SMYD3: variants seen among roughly 807,000 people sequenced by gnomAD.
The protein encoded by SMYD3 is SET and MYND domain containing 3.
SMYD3 carries 36 observed loss-of-function variants against 57.7 expected under a neutral mutation model. That is an observed-to-expected ratio of 0.62 (90% CI 0.48 to 0.82). SMYD3 has a LOEUF of 0.82. SMYD3 is among the 40% of genes least tolerant of loss of function. The pLI is 0.00. For synonymous variants in SMYD3, 211 were observed against 195.0 expected (o/e 1.08, Z -0.68); for missense variants, 515 against 538.8 (o/e 0.96, Z 0.44).
chr1:246,330,277 C>T (rs1377424417), intron 4 of SMYD3, among the ~76,000 whole-genome samples: 1 of 152,166 alleles, frequency 6.6e-6, no homozygotes, highest in Non-Finnish European at 1.5e-5. Context: ...ATCTTCATGG[C>T]GCTTTACTAA....
intron 5 of SMYD3, among the ~76,000 whole-genome samples, chr1:245,950,714 T>G (rs1221899708): frequency 6.6e-6 from 1 of 152,258 alleles, no homozygotes; most frequent in Admixed American, 6.5e-5. Context: ...AAGTCAGTGG[T>G]CTTGCCAAAT....
chr1:246,485,268 C>CTACTGCACTAGTT (rs969921281), intron 1 of SMYD3, among the ~76,000 whole-genome samples: 5 of 152,178 alleles, frequency 3.3e-5, no homozygotes, highest in African/African-American at 1.2e-4. Context: ...AATACCTAAA[C>CTACTGCACTAGTT]TACTGCACTA....
rs73136132 is a variant in SMYD3, at chr1:246,501,454, G to A, written c.164+5600C>T. 2.3e-3 allele frequency among the ~76,000 whole-genome samples: 355 copies of A among 152,094 alleles called. 2 individuals carry two copies. Among genetic ancestry groups the A allele is most frequent in the African/African-American group, 8.2e-3 (342 of 41,486 alleles). On this transcript the variant is annotated intron_variant, in intron 1 of 11. Coordinates refer to ENST00000490107, the MANE Select transcript of SMYD3 (RefSeq NM_001167740.2). ...CCTTGGCCACATTCTGCCACACCCCGTACCTGTTGTATCAAGACACACACT... is the reference window on the plus strand; with the variant it reads ...CCTTGGCCACATTCTGCCACACCCCATACCTGTTGTATCAAGACACACACT...
At chr1:246,057,561 C>T (rs35468688) in intron 5 of SMYD3, among the ~76,000 whole-genome samples, 11,542 of 152,250 alleles carry the variant, frequency 0.076, 516 homozygotes, top group African/African-American at 0.12. Flanking sequence ...GATACCACTA[C>T]GCACATATTA....
At chr1:246,038,457 G>A (rs1358946697) in intron 5 of SMYD3, among the ~76,000 whole-genome samples, 1 of 152,016 alleles carries the variant, frequency 6.6e-6, no homozygotes, top group African/African-American at 2.4e-5. Context: ...ACGGAAGGCT[G>A]AGACACAAAA....
intron 8 of SMYD3, among the ~76,000 whole-genome samples, chr1:245,879,256 G>C (rs2052646621): frequency 6.6e-6 from 1 of 152,222 alleles, no homozygotes; most frequent in Non-Finnish European, 1.5e-5. Context: ...CAGCTGATAA[G>C]CATTTCCCAA....
At chr1:246,171,845 T>C (rs970858462) in intron 5 of SMYD3, among the ~76,000 whole-genome samples, 3 of 152,078 alleles carry the variant, frequency 2.0e-5, no homozygotes, top group African/African-American at 4.8e-5. Context: ...ACCTCAACTC[T>C]AGAAAAACTT....
chr1:246,248,636 C>CTTTTTTTTT (rs1178698803), intron 5 of SMYD3, among the ~76,000 whole-genome samples: 12 of 52,106 alleles, frequency 2.3e-4, no homozygotes, highest in Admixed American at 4.4e-4. Flanking sequence ...TCTGACTTTC[C>CTTTTTTTTT]TTTTTTTTTT....
chr1:246,109,666 A>C (rs997334556), intron 5 of SMYD3: 13 of 152,210 alleles, frequency 8.5e-5, no homozygotes, highest in African/African-American at 3.1e-4. Flanking sequence ...GCTCTCATGG[A>C]AAAAGGAATA....
intron 5 of SMYD3, among the ~76,000 whole-genome samples, chr1:246,225,388 AG>A (rs1270424359): frequency 6.6e-6 from 1 of 150,402 alleles, no homozygotes; most frequent in African/African-American, 2.5e-5. Context: ...GCAAGACTAA[AG>A]GTCTTTGGTA....
intron 1 of SMYD3, among the ~76,000 whole-genome samples, chr1:246,403,198 G>T (rs899735971): frequency 6.6e-6 from 1 of 152,098 alleles, no homozygotes; most frequent in South Asian, 2.1e-4. Flanking sequence ...AGAACTAGTT[G>T]CATAAATTAC....
intron 5 of SMYD3, among the ~76,000 whole-genome samples, chr1:246,164,330 G>T (rs1005543969): frequency 2.2e-4 from 33 of 152,320 alleles, no homozygotes; most frequent in African/African-American, 7.9e-4. Context: ...TGAGGCAGGA[G>T]AATCACTTGA....
At chr1:245,928,769 T>C (rs1190456464) in intron 6 of SMYD3, among the ~76,000 whole-genome samples, 1 of 152,134 alleles carries the variant, frequency 6.6e-6, no homozygotes, top group Non-Finnish European at 1.5e-5. Context: ...TTTGGAGAAA[T>C]GGCCGCCTTT....
chr1:246,031,687 A>G (rs1462278285), intron 5 of SMYD3, among the ~76,000 whole-genome samples: 1 of 151,710 alleles, frequency 6.6e-6, no homozygotes, highest in Admixed American at 6.6e-5. Flanking sequence ...CAGTGAGCAG[A>G]GATCGCGCCA....
chr1:246,026,866 G>A (rs970623598), intron 5 of SMYD3, among the ~76,000 whole-genome samples: 2 of 152,230 alleles, frequency 1.3e-5, no homozygotes, highest in Non-Finnish European at 2.9e-5. Flanking sequence ...ATGAAGCTCA[G>A]TGAGGAAGAC....
At chr1:246,248,633 T>TGTTTTTG (rs1558348032) in intron 5 of SMYD3, among the ~76,000 whole-genome samples, 1 of 96,370 alleles carries the variant, frequency 1.0e-5, no homozygotes, top group Admixed American at 1.1e-4. Context: ...CTCTCTGACT[T>TGTTTTTG]TCCTTTTTTT....
At chr1:245,857,129 TCA>T (rs1342388536) in intron 10 of SMYD3, among the ~76,000 whole-genome samples, 2 of 152,274 alleles carry the variant, frequency 1.3e-5, no homozygotes, top group Admixed American at 1.3e-4. Context: ...TAAAGCTGAC[TCA>T]CAGTCTGGAT....
rs1418408766 is a variant in SMYD3 at position 245,759,326 on chromosome 1, C to G, written c.1185+4715G>C. ...CTCCCCCTCTTTCCCTCCCACCTCC[C>G]CACACGGTAACGTATGATGTTAAGT... On this transcript the variant is annotated intron_variant, in intron 11 of 11. Transcript: ENST00000490107. Among the ~76,000 whole-genome samples the G allele has an allele frequency of 4.6e-5, 7 of 152,224 alleles. 2 individuals are homozygous for G. The highest frequency in any genetic ancestry group is 1.7e-4 in the African/African-American group (7 of 41,538).
chr1:246,479,314 G>A (rs1002427435), intron 1 of SMYD3, among the ~76,000 whole-genome samples: 3 of 152,198 alleles, frequency 2.0e-5, no homozygotes, highest in Non-Finnish European at 4.4e-5. Flanking sequence ...TGTGACCTGG[G>A]TCAAGTAACC....
Sources: gnomAD v4.1 joint callset for allele counts (sites outside exome capture counted in the v4.1 genomes callset) on GRCh38, gnomAD v4.1.1 for gene constraint, MANE v1.5 for transcripts, NCBI Gene and HGNC (gene_info 2026-07-23, HGNC 2026-07-21) for gene names.